Variants in CTIF observed in about 807,000 individuals in gnomAD.
CTIF encodes the protein CBP80/20-dependent translation initiation factor.
In CTIF, 21 loss-of-function variants were observed where a neutral mutation model predicts 66.0. That is an observed-to-expected ratio of 0.32 (90% CI 0.23 to 0.46). The LOEUF is 0.46. Among genes scored for constraint, CTIF ranks in the 20% least tolerant of loss-of-function variants. CTIF has a pLI of 1.00. For synonymous variants in CTIF, 345 were observed against 326.4 expected (o/e 1.06, Z -0.62); for missense variants, 739 against 812.7 (o/e 0.91, Z 1.10).
intron 7 of CTIF, among the ~76,000 whole-genome samples, chr18:48,748,076 C>T (rs1018268428): frequency 6.6e-6 from 1 of 152,034 alleles, no homozygotes; most frequent in Non-Finnish European, 1.5e-5. Context: ...TTAAAATGCC[C>T]AATCCTTTGC....
chr18:48,662,966 C>T (rs1414935511), intron 3 of CTIF, among the ~76,000 whole-genome samples: 2 of 152,092 alleles, frequency 1.3e-5, no homozygotes, highest in Non-Finnish European at 2.9e-5. Context: ...GCTGTATACG[C>T]TTTCTGTACA....
chr18:48,716,905 A>C (rs2092287220), intron 7 of CTIF, among the ~76,000 whole-genome samples: 1 of 152,240 alleles, frequency 6.6e-6, no homozygotes, highest in Non-Finnish European at 1.5e-5. Flanking sequence ...AAGGAAGAAG[A>C]GAAAAAGACC....
At chr18:48,551,763 C>T (rs1341163494) in intron 1 of CTIF, among the ~76,000 whole-genome samples, 1 of 151,758 alleles carries the variant, frequency 6.6e-6, no homozygotes, top group Non-Finnish European at 1.5e-5. Flanking sequence ...GGTGGTCTTT[C>T]TCCTGAAACC....
intron 9 of CTIF, among the ~76,000 whole-genome samples, chr18:48,787,271 T>C (rs959661505): frequency 1.4e-5 from 2 of 145,310 alleles, no homozygotes; most frequent in African/African-American, 5.2e-5. Flanking sequence ...ATGTTAAGTA[T>C]GAAAGGAAAA....
At chr18:48,560,170 G>A (rs925160734) in intron 1 of CTIF, among the ~76,000 whole-genome samples, 2 of 151,964 alleles carry the variant, frequency 1.3e-5, no homozygotes, top group African/African-American at 2.4e-5. Context: ...GATTCAAGAC[G>A]GTGGGGACAC....
Position 48,670,714 on chromosome 18 carries a change from T to C in CTIF, c.477T>C (p.Asn159=), listed in dbSNP as rs757319746. The C allele has an allele frequency of 3.4e-5, 55 of 1,614,066 alleles. No homozygotes were observed. Among genetic ancestry groups the C allele is most frequent in the South Asian group, 2.5e-4 (23 of 91,086 alleles). ...AAGATGGGGATGGCATCAACCTGAA[T>C]GACATCGAGAAGGTCCTTCCAGCCT... is the stretch of plus-strand genomic sequence containing the variant. ...KLEDGDGINL[N]DIEKVLPAWQ... is the part of the protein sequence containing the mutation. Residue 159 remains asparagine (N), a synonymous_variant, in exon 6 of 12, where the codon AAT becomes AAC. Transcript: ENST00000256413.
intron 1 of CTIF, among the ~76,000 whole-genome samples, chr18:48,560,178 C>A (rs1321520375): frequency 6.6e-6 from 1 of 151,540 alleles, no homozygotes; most frequent in Non-Finnish European, 1.5e-5. Context: ...ACGGTGGGGA[C>A]ACAGACCCTA....
intron 7 of CTIF, among the ~76,000 whole-genome samples, chr18:48,730,277 TCCTGGGGTGTGAGGGGCC>T (rs1186208715): frequency 2.3e-5 from 3 of 128,268 alleles, no homozygotes; most frequent in Non-Finnish European, 4.9e-5. Context: ...TGTGAGGGCC[TCCTGGGGTGTGAGGGGCC>T]CCTGAGGTGT....
chr18:48,551,821 G>A (rs751817859), intron 1 of CTIF, among the ~76,000 whole-genome samples: 7 of 151,422 alleles, frequency 4.6e-5, no homozygotes, highest in East Asian at 1.9e-4. Flanking sequence ...TTTTGGAGAC[G>A]GAGTCTTACT....
chr18:48,720,276 C>CG lies in CTIF; in HGVS notation c.584+8588dup, dbSNP rs1042328190. Reference sequence around the variant, plus strand: ...GCTTCGCTAGGGGATGAGATGGGGACGGGGGGGATGCTTCTTCCAGTGGTC... The same window carrying CG: ...GCTTCGCTAGGGGATGAGATGGGGACGGGGGGGGATGCTTCTTCCAGTGGTC... On this transcript the variant is annotated intron_variant, in intron 7 of 11. Coordinates refer to ENST00000256413, the MANE Select transcript of CTIF (RefSeq NM_014772.3). Among the ~76,000 whole-genome samples, 100 of 152,094 alleles carry CG rather than the reference C, an allele frequency of 6.6e-4. 2 individuals are homozygous for CG. The highest frequency in any genetic ancestry group is 5.8e-4 in the East Asian group (3 of 5,178).
At chr18:48,632,768 C>G (rs555235307) in intron 2 of CTIF, among the ~76,000 whole-genome samples, 1 of 152,318 alleles carries the variant, frequency 6.6e-6, no homozygotes, top group African/African-American at 2.4e-5. Context: ...AGAGCACACT[C>G]TTCTTCATCT....
intron 6 of CTIF, among the ~76,000 whole-genome samples, chr18:48,711,272 G>T (rs2128259): frequency 0.011 from 1,678 of 152,246 alleles, 36 homozygotes; most frequent in African/African-American, 0.038. Context: ...GCAGAACCTG[G>T]CCCCAGCTCT....
In CTIF at chr18:48,711,675, CAGG is replaced by C. The variant is rs1195439301; in HGVS notation, c.570_572del (p.Arg191del). ...TCGCACACACCAAGAAGCTGTTCCG[CAGG>C]AGGAGAAATGATCGAAGGTAGGAGA... On this transcript the variant is annotated inframe_deletion, in exon 7 of 12. Transcript: ENST00000256413. 2 of 1,613,938 alleles carry C rather than the reference CAGG, an allele frequency of 1.2e-6. No homozygotes were observed. Among genetic ancestry groups the C allele is most frequent in the African/African-American group, 1.3e-5 (1 of 74,916 alleles).
intron 7 of CTIF, among the ~76,000 whole-genome samples, chr18:48,745,777 A>C (rs993545392): frequency 2.9e-4 from 44 of 152,344 alleles, no homozygotes; most frequent in Admixed American, 1.8e-3. Context: ...CAAAGAAACT[A>C]TCTGCTGGGG....
At chr18:48,620,327 T>A (rs563775026) in intron 2 of CTIF, among the ~76,000 whole-genome samples, 1 of 152,186 alleles carries the variant, frequency 6.6e-6, no homozygotes, top group East Asian at 1.9e-4. Flanking sequence ...TCCCTGACCT[T>A]GGAGGGGAGA....
In CTIF at chr18:48,816,524, C is replaced by T. The variant is rs377737250; in HGVS notation, c.1372-697C>T. Among the ~76,000 whole-genome samples, 38 of 152,262 alleles carry T rather than the reference C, an allele frequency of 2.5e-4. No individual in the cohort carries two copies. The East Asian group carries it at 3.9e-3, about 15-fold the overall frequency. On this transcript the variant is annotated intron_variant, in intron 9 of 11. Transcript: ENST00000256413. ...GCCCCATCCCCAAAACCTTCCCTAG[C>T]GACCATCCCATGGAACCCAGCTCCT...
At chr18:48,637,479 G>A (rs747103468) in intron 3 of CTIF, among the ~76,000 whole-genome samples, 7 of 152,190 alleles carry the variant, frequency 4.6e-5, no homozygotes, top group Non-Finnish European at 8.8e-5. Context: ...TCTGGAAAGC[G>A]GAGGGAGCCC....
rs1295463007 is a variant in CTIF, at chr18:48,859,679, G to A, written c.*120G>A. ...GAGAAAGAAATGGGGAGGAGGGCAG[G>A]CAGAGTCGGTGGCCAGTCTGGAGCC... On this transcript the variant is annotated 3_prime_UTR_variant, in exon 12 of 12. Transcript: ENST00000256413. 3 of 933,342 alleles carry A rather than the reference G, an allele frequency of 3.2e-6. No homozygotes were observed. The highest frequency in any genetic ancestry group is 5.1e-6 in the Non-Finnish European group (3 of 587,428). The allele number at this position is 933,342 out of a possible 1,614,324, so 57.8% of individuals were successfully genotyped here. A position where few individuals can be genotyped will look rare whatever the true frequency, so the allele number is the denominator to read the frequency against.
intron 7 of CTIF, among the ~76,000 whole-genome samples, chr18:48,731,883 C>T (rs1157117187): frequency 6.6e-6 from 1 of 152,242 alleles, no homozygotes; most frequent in Admixed American, 6.5e-5. Flanking sequence ...CATAGGGTCT[C>T]TATCATAACT....
Sources: gnomAD v4.1 joint callset for allele counts (sites outside exome capture counted in the v4.1 genomes callset) on GRCh38, gnomAD v4.1.1 for gene constraint, MANE v1.5 for transcripts, NCBI Gene and HGNC (gene_info 2026-07-23, HGNC 2026-07-21) for gene names.